Variants in RCSD1 observed in about 807,000 individuals in gnomAD.
RCSD1 encodes the protein capZ-interacting protein.
Under a neutral mutation model 42.5 loss-of-function variants are expected in RCSD1, and 26 were observed. The ratio of observed to expected loss-of-function variants is 0.61; its 90% CI spans 0.45 to 0.85. The LOEUF (loss-of-function observed/expected upper bound fraction) is 0.85. RCSD1 is among the 40% of genes least tolerant of loss of function. The pLI is 0.00. For synonymous variants in RCSD1, 220 were observed against 212.2 expected (o/e 1.04, Z -0.32); for missense variants, 571 against 528.3 (o/e 1.08, Z -0.79).
intron 1 of RCSD1, among the ~76,000 whole-genome samples, chr1:167,654,248 A>G (rs1447236834): frequency 6.6e-6 from 1 of 152,230 alleles, no homozygotes; most frequent in Non-Finnish European, 1.5e-5. Flanking sequence ...AAAGAAGTCC[A>G]GTGTGCCATT....
At chr1:167,698,608 CCTAT>C (rs200579580) in intron 6 of RCSD1, among the ~76,000 whole-genome samples, 1,646 of 152,248 alleles carry the variant, frequency 0.011, 35 homozygotes, top group African/African-American at 0.038. Flanking sequence ...CTTGAGCTCA[CCTAT>C]CTATGCTTTA....
rs150493449 is a variant in RCSD1 at position 167,694,161 on chromosome 1, C to T, written c.333C>T (p.Leu111=). The T allele has an allele frequency of 1.3e-4, 211 of 1,614,192 alleles. 1 individual carries two copies. The East Asian group carries it at 1.6e-3, about 12-fold the overall frequency. The change falls in exon 5 of 7, where the codon CTC becomes CTT. Residue 111 remains leucine, a synonymous_variant. Coordinates refer to ENST00000367854, the MANE Select transcript of RCSD1 (RefSeq NM_052862.4). The part of the protein sequence containing the change: ...LPGASPKSPG[L]KAMVSPFHSP... ...GGGCCTCACCCAAGAGTCCTGGACT[C>T]AAGGCTATGGTGTCGCCATTTCACA... is the stretch of plus-strand genomic sequence containing the variant.
At chr1:167,639,655 GCTAATTTT>G (rs1657956450) in intron 1 of RCSD1, among the ~76,000 whole-genome samples, 1 of 152,184 alleles carries the variant, frequency 6.6e-6, no homozygotes, top group African/African-American at 2.4e-5. Flanking sequence ...ACTGTGCTCA[GCTAATTTT>G]TGTATTTTTT....
intron 6 of RCSD1, among the ~76,000 whole-genome samples, chr1:167,700,235 C>T (rs1459237499): frequency 2.0e-5 from 3 of 152,166 alleles, no homozygotes; most frequent in Non-Finnish European, 4.4e-5. Context: ...GGGGCCCTCA[C>T]GTTATTCTCA....
chr1:167,698,960 C>G (rs545425265), intron 6 of RCSD1, among the ~76,000 whole-genome samples: 1 of 151,994 alleles, frequency 6.6e-6, no homozygotes, highest in Non-Finnish European at 1.5e-5. Context: ...CCACCACGCC[C>G]GGCTAATTTT....
chr1:167,702,559 A>G (rs891983536), intron 6 of RCSD1, among the ~76,000 whole-genome samples: 1 of 152,194 alleles, frequency 6.6e-6, no homozygotes, highest in African/African-American at 2.4e-5. Context: ...CGGGCAGATC[A>G]CTTGAGGTCA....
intron 1 of RCSD1, among the ~76,000 whole-genome samples, chr1:167,665,586 A>G (rs1288320885): frequency 6.6e-6 from 1 of 152,216 alleles, no homozygotes; most frequent in Admixed American, 6.5e-5. Context: ...CACCAACAAT[A>G]TAGGAGTGAT....
intron 6 of RCSD1, among the ~76,000 whole-genome samples, chr1:167,699,799 C>T (rs965432987): frequency 6.6e-6 from 1 of 152,214 alleles, no homozygotes; most frequent in African/African-American, 2.4e-5. Context: ...CTTCAGAGCT[C>T]TATCCTTGCT....
At chr1:167,637,950 A>G (rs913538304) in intron 1 of RCSD1, among the ~76,000 whole-genome samples, 1 of 152,240 alleles carries the variant, frequency 6.6e-6, no homozygotes. Flanking sequence ...CCCAGTAAGC[A>G]GTGCCGCTGG....
chr1:167,649,928 A>T (rs143977727), intron 1 of RCSD1, among the ~76,000 whole-genome samples: 11 of 152,310 alleles, frequency 7.2e-5, no homozygotes, highest in African/African-American at 2.6e-4. Context: ...GGGCAGCTGT[A>T]AAGATGCACT....
At chr1:167,652,101 A>C (rs184328078) in intron 1 of RCSD1, among the ~76,000 whole-genome samples, 3 of 146,086 alleles carry the variant, frequency 2.1e-5, no homozygotes, top group African/African-American at 7.6e-5. Context: ...AGCTCACTGC[A>C]ATCTCTGCCA....
At chr1:167,670,270 C>G (rs1658770297) in intron 1 of RCSD1, among the ~76,000 whole-genome samples, 1 of 149,266 alleles carries the variant, frequency 6.7e-6, no homozygotes. Context: ...CGTACATTTA[C>G]TTGTTGGCTT....
intron 1 of RCSD1, among the ~76,000 whole-genome samples, chr1:167,675,358 G>A (rs72697720): frequency 0.05 from 7,611 of 152,096 alleles, 293 homozygotes; most frequent in African/African-American, 0.11. Context: ...CCTACATGGC[G>A]GCAGGCAAGA....
rs111594576 is a variant in RCSD1, at chr1:167,707,776, C to G, written c.*3080C>G. 1.3e-5 allele frequency among the ~76,000 whole-genome samples: 2 copies of G among 152,124 alleles called. No individual in the cohort carries two copies. The highest frequency in any genetic ancestry group is 2.9e-5 in the Non-Finnish European group (2 of 68,030). ...CTGCCTCCTGCATTCAAGCGATTCT[C>G]GTGCCTCAGCCTCCCAAGTACTGCA... On this transcript the variant is annotated 3_prime_UTR_variant, in exon 7 of 7. Transcript: ENST00000367854.
In RCSD1 at chr1:167,694,165, G is replaced by T; in HGVS notation, c.337G>T (p.Ala113Ser). Residue 113 changes from alanine (A) to serine (S), a missense_variant, in exon 5 of 7, where the codon GCT becomes TCT. Physicochemically the swap from Ala to Ser is moderately conservative, Grantham distance 99. Coordinates refer to ENST00000367854, the MANE Select transcript of RCSD1 (RefSeq NM_052862.4). ...GASPKSPGLK[A>S]MVSPFHSPPS... The stretch of plus-strand genomic sequence containing the variant: ...CTCACCCAAGAGTCCTGGACTCAAG[G>T]CTATGGTGTCGCCATTTCACAGCCC... 7 of 1,614,198 alleles carry T rather than the reference G, an allele frequency of 4.3e-6. No individual in the cohort carries two copies. Among genetic ancestry groups the T allele is most frequent in the Non-Finnish European group, 5.9e-6 (7 of 1,180,042 alleles).
chr1:167,687,187 A>T (rs190606013), intron 3 of RCSD1, among the ~76,000 whole-genome samples: 2 of 152,350 alleles, frequency 1.3e-5, no homozygotes, highest in East Asian at 3.9e-4. Context: ...TCGCACATTG[A>T]AAGGACACTA....
At chr1:167,656,850 C>T (rs1658436560) in intron 1 of RCSD1, among the ~76,000 whole-genome samples, 1 of 152,194 alleles carries the variant, frequency 6.6e-6, no homozygotes, top group South Asian at 2.1e-4. Flanking sequence ...TAAAGGGGGT[C>T]ATTGCTCCCA....
chr1:167,675,937 C>T (rs1427712033), intron 1 of RCSD1, among the ~76,000 whole-genome samples: 3 of 152,082 alleles, frequency 2.0e-5, no homozygotes. Flanking sequence ...GAAGATTAGA[C>T]ATCTAGGATG....
chr1:167,673,397 A>T (rs778383338), intron 1 of RCSD1, among the ~76,000 whole-genome samples: 2 of 152,242 alleles, frequency 1.3e-5, no homozygotes, highest in Non-Finnish European at 2.9e-5. Flanking sequence ...AATGAAGTCC[A>T]CATGTTGCAG....
Sources: gnomAD v4.1 joint callset for allele counts (sites outside exome capture counted in the v4.1 genomes callset) on GRCh38, gnomAD v4.1.1 for gene constraint, MANE v1.5 for transcripts, NCBI Gene and HGNC (gene_info 2026-07-23, HGNC 2026-07-21) for gene names.